The following RBMS3 variants were observed in gnomAD, a reference collection of about 807,000 sequenced individuals.
RBMS3 encodes RNA-binding motif, single-stranded-interacting protein 3.
RBMS3 carries 27 observed loss-of-function variants against 66.8 expected under a neutral mutation model. That is an observed-to-expected ratio of 0.40 (90% CI 0.30 to 0.56). The LOEUF is 0.56. RBMS3 is among the 20% of genes least tolerant of loss of function. The probability of loss-of-function intolerance (pLI) is 0.40; values close to 1 mark genes in which losing one functional copy is unlikely to be tolerated. For synonymous variants in RBMS3, 188 were observed against 183.0 expected (o/e 1.03, Z -0.22); for missense variants, 513 against 549.5 (o/e 0.93, Z 0.66).
intron 11 of RBMS3, among the ~76,000 whole-genome samples, chr3:29,942,764 A>G (rs1429152176): frequency 6.6e-6 from 1 of 151,520 alleles, no homozygotes; most frequent in African/African-American, 2.4e-5. Flanking sequence ...AAATGTCATA[A>G]GTATATTCTT....
At position 29,587,216 on chromosome 3, in the gene RBMS3, TGTTTA is replaced by T; in HGVS notation, c.399+13_399+17del. 3 of 1,211,362 alleles carry T rather than the reference TGTTTA, an allele frequency of 2.5e-6. No individual in the cohort carries two copies. Among genetic ancestry groups the T allele is most frequent in the Non-Finnish European group, 3.4e-6 (3 of 882,682 alleles). The allele number at this position is 1,211,362 out of a possible 1,614,324, so 75.0% of individuals were successfully genotyped here. A position where few individuals can be genotyped will look rare whatever the true frequency, so the allele number is the denominator to read the frequency against. On this transcript the variant is annotated intron_variant, in intron 4 of 14. Transcript: ENST00000383767. ...GCACAGATGGCTAAGGTAAGATTGA[TGTTTA>T]GGGGTGTTTTTTTTTTTTTTTTTTT...
chr3:29,601,333 G>A (rs2048136089), intron 4 of RBMS3, among the ~76,000 whole-genome samples: 1 of 152,016 alleles, frequency 6.6e-6, no homozygotes, highest in South Asian at 2.1e-4. Flanking sequence ...TAATAAAAGT[G>A]TATATGTCAT....
At chr3:29,756,500 G>A (rs926422821) in intron 5 of RBMS3, among the ~76,000 whole-genome samples, 2 of 151,974 alleles carry the variant, frequency 1.3e-5, no homozygotes. Flanking sequence ...GTGTGTGCAG[G>A]GGAACTATCC....
intron 2 of RBMS3, among the ~76,000 whole-genome samples, chr3:29,473,457 A>G (rs1488359803): frequency 6.6e-6 from 1 of 152,210 alleles, no homozygotes; most frequent in African/African-American, 2.4e-5. Context: ...TGGATCCCGC[A>G]CGGAGGCCGC....
At chr3:29,586,048 A>C (rs1211631883) in intron 3 of RBMS3, among the ~76,000 whole-genome samples, 1 of 152,090 alleles carries the variant, frequency 6.6e-6, no homozygotes, top group Admixed American at 6.6e-5. Context: ...CCTCCTTAGT[A>C]GGTTAGTAGG....
chr3:29,555,987 T>C (rs931738103), intron 3 of RBMS3, among the ~76,000 whole-genome samples: 1 of 152,190 alleles, frequency 6.6e-6, no homozygotes, highest in East Asian at 1.9e-4. Context: ...TCAAACCAGA[T>C]TACATTTGAA....
chr3:29,544,120 G>A (rs936025441), intron 3 of RBMS3, among the ~76,000 whole-genome samples: 6 of 151,982 alleles, frequency 3.9e-5, no homozygotes, highest in Non-Finnish European at 8.8e-5. Flanking sequence ...AGAAGAAAAC[G>A]CTGATCCAAT....
rs138370231 is a variant in RBMS3 at position 29,872,041 on chromosome 3, C to T, written c.744+3077C>T. Among the ~76,000 whole-genome samples, 13 of 152,126 alleles carry T rather than the reference C, an allele frequency of 8.5e-5. No homozygotes were observed. The East Asian group carries it at 2.3e-3, about 27-fold the overall frequency. On this transcript the variant is annotated intron_variant, in intron 7 of 14. Transcript: ENST00000383767. ...TGCAGGAATATTTTAAAATTATTAA[C>T]TAATCTTTCAAGAGACAATTGGAAC...
intron 10 of RBMS3, among the ~76,000 whole-genome samples, chr3:29,927,566 A>G (rs1232365545): frequency 2.6e-5 from 4 of 152,228 alleles, no homozygotes; most frequent in African/African-American, 7.2e-5. Flanking sequence ...TGGGTCAGTC[A>G]TAGGAGTTAT....
intron 1 of RBMS3, among the ~76,000 whole-genome samples, chr3:29,351,969 T>C (rs957431536): frequency 1.3e-5 from 2 of 152,082 alleles, no homozygotes; most frequent in South Asian, 4.1e-4. Context: ...CCAACACTAA[T>C]TATTGTAATT....
At chr3:29,578,257 G>T (rs1195486979) in intron 3 of RBMS3, among the ~76,000 whole-genome samples, 1 of 152,150 alleles carries the variant, frequency 6.6e-6, no homozygotes, top group African/African-American at 2.4e-5. Context: ...AAGCACCAAG[G>T]TCTAGGTGTA....
chr3:29,978,926 A>T (rs1697780608), intron 12 of RBMS3, among the ~76,000 whole-genome samples: 1 of 152,048 alleles, frequency 6.6e-6, no homozygotes, highest in Non-Finnish European at 1.5e-5. Context: ...TTGAGGCCAG[A>T]AGTTCAAGAC....
chr3:29,941,522 T>C (rs1284884916), intron 11 of RBMS3, among the ~76,000 whole-genome samples: 1 of 151,702 alleles, frequency 6.6e-6, no homozygotes, highest in East Asian at 1.9e-4. Flanking sequence ...AAGGTAATAG[T>C]TTAAAAAAAT....
chr3:29,506,661 G>A (rs1396426567), intron 3 of RBMS3, among the ~76,000 whole-genome samples: 2 of 151,754 alleles, frequency 1.3e-5, no homozygotes, highest in Non-Finnish European at 2.9e-5. Context: ...TATTAGTATC[G>A]GTTCTTCTTT....
chr3:29,530,804 A>C (rs904565808), intron 3 of RBMS3, among the ~76,000 whole-genome samples: 3 of 151,716 alleles, frequency 2.0e-5, no homozygotes, highest in African/African-American at 7.3e-5. Flanking sequence ...CCCAGGAGGC[A>C]GAGCTTGCAG....
chr3:29,960,249 A>G (rs1254977377), intron 12 of RBMS3, among the ~76,000 whole-genome samples: 1 of 152,182 alleles, frequency 6.6e-6, no homozygotes, highest in Non-Finnish European at 1.5e-5. Context: ...AAAGTTCAAA[A>G]TCCAGTGGGG....
chr3:29,449,898 G>C (rs1275401404), intron 2 of RBMS3, among the ~76,000 whole-genome samples: 2 of 152,078 alleles, frequency 1.3e-5, no homozygotes, highest in Non-Finnish European at 2.9e-5. Flanking sequence ...ATTACATGGG[G>C]GTCAGTTTTC....
At chr3:29,498,077 C>T (rs1301069775) in intron 3 of RBMS3, among the ~76,000 whole-genome samples, 1 of 141,546 alleles carries the variant, frequency 7.1e-6, no homozygotes, top group Non-Finnish European at 1.5e-5. Flanking sequence ...TCACCGCAAC[C>T]TCCGCCTCCC....
At chr3:29,615,015 C>G (rs1559510261) in intron 4 of RBMS3, 1 of 152,106 alleles carries the variant, frequency 6.6e-6, no homozygotes, top group Non-Finnish European at 1.5e-5. Context: ...TCTAATTATC[C>G]AATTATTCCA....
Sources: gnomAD v4.1 joint callset for allele counts (sites outside exome capture counted in the v4.1 genomes callset) on GRCh38, gnomAD v4.1.1 for gene constraint, MANE v1.5 for transcripts, NCBI Gene and HGNC (gene_info 2026-07-23, HGNC 2026-07-21) for gene names.